The following HOOK3 variants were observed in gnomAD, a reference collection of about 807,000 sequenced individuals.
HOOK3 encodes the protein protein Hook homolog 3.
HOOK3 carries 24 observed loss-of-function variants against 116.3 expected under a neutral mutation model. That is an observed-to-expected ratio of 0.21 (90% CI 0.15 to 0.29). The LOEUF (loss-of-function observed/expected upper bound fraction) is 0.29, where lower values mean the gene tolerates loss of function less well. HOOK3 is among the 10% of genes least tolerant of loss of function. The pLI, the probability that HOOK3 is intolerant of heterozygous loss-of-function variation, is 1.00. For missense variants in HOOK3, 632 were observed against 830.2 expected, an observed-to-expected ratio of 0.76 and a Z score of 2.93; for synonymous variants, 275 against 283.0, an observed-to-expected ratio of 0.97 and a Z score of 0.28.
chr8:42,912,967 C>A (rs1325558088), intron 2 of HOOK3, among the ~76,000 whole-genome samples: 1 of 152,156 alleles, frequency 6.6e-6, no homozygotes, highest in African/African-American at 2.4e-5. Context: ...ATAGTTTTGC[C>A]TTTTCTGGAA....
At chr8:42,948,339 C>T (rs920315452) in intron 5 of HOOK3, among the ~76,000 whole-genome samples, 19 of 152,258 alleles carry the variant, frequency 1.2e-4, no homozygotes, top group Admixed American at 2.6e-4. Context: ...GACACACACC[C>T]GGTAATAGCA....
At chr8:42,940,038 G>A (rs370339246) in intron 4 of HOOK3, among the ~76,000 whole-genome samples, 1 of 148,580 alleles carries the variant, frequency 6.7e-6, no homozygotes, top group Admixed American at 6.7e-5. Flanking sequence ...ATCCCAGACG[G>A]TGGGCGGCCA....
At position 43,022,688 on chromosome 8, in the gene HOOK3, A is replaced by G. The variant is rs538996187; in HGVS notation, c.*4190A>G. On this transcript the variant is annotated 3_prime_UTR_variant, in exon 22 of 22. Coordinates refer to ENST00000307602, the MANE Select transcript of HOOK3 (RefSeq NM_032410.4). ...GAAAAACTCCGTCATATCTTTTACC[A>G]TTTGTCTATTTGATAGTAATGCAGA... The G allele has an allele frequency of 2.3e-4, 41 of 181,186 alleles. No individual in the cohort carries two copies. The highest frequency in any genetic ancestry group is 3.7e-4 in the Non-Finnish European group (31 of 84,928). The allele number at this position is 181,186 out of a possible 1,614,324, so 11.2% of individuals were successfully genotyped here. A position where few individuals can be genotyped will look rare whatever the true frequency, so the allele number is the denominator to read the frequency against.
At chr8:42,954,040 A>G (rs911566403) in intron 6 of HOOK3, among the ~76,000 whole-genome samples, 4 of 152,234 alleles carry the variant, frequency 2.6e-5, no homozygotes, top group African/African-American at 9.6e-5. Context: ...AAATTATGGT[A>G]TACTAGTATA....
chr8:42,989,009 A>G (rs1809103327), intron 15 of HOOK3, among the ~76,000 whole-genome samples: 2 of 152,204 alleles, frequency 1.3e-5, no homozygotes, highest in African/African-American at 4.8e-5. Flanking sequence ...CTGCCCATGT[A>G]TGTCACCTGT....
At chr8:42,990,085 C>T (rs927739769) in intron 15 of HOOK3, among the ~76,000 whole-genome samples, 2 of 151,794 alleles carry the variant, frequency 1.3e-5, no homozygotes, top group African/African-American at 4.8e-5. Flanking sequence ...TAGACTCAAC[C>T]TCCCAGGCTC....
chr8:42,962,445 C>T (rs1173285396), intron 8 of HOOK3, among the ~76,000 whole-genome samples: 1 of 144,126 alleles, frequency 6.9e-6, no homozygotes, highest in Non-Finnish European at 1.5e-5. Context: ...CTTGCTTTGT[C>T]GTCCAGGATG....
chr8:42,897,445 G>A (rs952502968), intron 1 of HOOK3, among the ~76,000 whole-genome samples: 1 of 152,072 alleles, frequency 6.6e-6, no homozygotes, highest in African/African-American at 2.4e-5. Context: ...GCGGCTGCTC[G>A]CAGCTGGGGC....
chr8:42,954,631 A>G (rs748712526), intron 6 of HOOK3, among the ~76,000 whole-genome samples: 2 of 152,246 alleles, frequency 1.3e-5, no homozygotes, highest in Non-Finnish European at 2.9e-5. Context: ...TAATATGTCT[A>G]TTATTTGCAT....
intron 5 of HOOK3, among the ~76,000 whole-genome samples, chr8:42,949,894 C>T (rs536734378): frequency 2.1e-5 from 3 of 146,044 alleles, no homozygotes; most frequent in East Asian, 2.0e-4. Context: ...TCCAGCCTGG[C>T]GACAGAGTGA....
intron 4 of HOOK3, among the ~76,000 whole-genome samples, chr8:42,934,265 A>T (rs767881906): frequency 6.6e-6 from 1 of 152,060 alleles, no homozygotes; most frequent in Non-Finnish European, 1.5e-5. Flanking sequence ...CATTTCTGCT[A>T]TCACATTTTT....
At chr8:42,967,922 T>A (rs764201995) in intron 10 of HOOK3, 91 bp from the exon 11 acceptor site, 4 of 725,616 alleles carry the variant, frequency 5.5e-6, no homozygotes, top group Non-Finnish European at 9.7e-6. Flanking sequence ...TTTCATTAGA[T>A]GTGTGTTTCC....
chr8:42,933,975 G>T (rs941386687), intron 4 of HOOK3, among the ~76,000 whole-genome samples: 1 of 151,854 alleles, frequency 6.6e-6, no homozygotes, highest in Admixed American at 6.6e-5. Flanking sequence ...GTTTTATTGC[G>T]CTTGGCACTT....
rs916172429 is a variant in HOOK3 at position 43,028,934 on chromosome 8, G to C, written c.*10436G>C. On this transcript the variant is annotated 3_prime_UTR_variant, in exon 22 of 22. Coordinates refer to ENST00000307602, the MANE Select transcript of HOOK3 (RefSeq NM_032410.4). ...GCAAGTTATGATGATTCTTATTGTAGTTCAAGTACAGATGAGTAAGTGGTG... is the reference window on the plus strand; with the variant it reads ...GCAAGTTATGATGATTCTTATTGTACTTCAAGTACAGATGAGTAAGTGGTG... The C allele has an allele frequency of 4.9e-6, 1 of 202,416 alleles. No individual in the cohort carries two copies. Among genetic ancestry groups the C allele is most frequent in the Non-Finnish European group, 1.0e-5 (1 of 98,492 alleles). The allele number at this position is 202,416 out of a possible 1,614,324, so 12.5% of individuals were successfully genotyped here. A position where few individuals can be genotyped will look rare whatever the true frequency, so the allele number is the denominator to read the frequency against.
chr8:42,899,930 A>G (rs1012415752), intron 1 of HOOK3, among the ~76,000 whole-genome samples: 2 of 152,248 alleles, frequency 1.3e-5, no homozygotes, highest in Non-Finnish European at 2.9e-5. Context: ...TTAGTTTGAG[A>G]TTGGAGAGAT....
intron 8 of HOOK3, among the ~76,000 whole-genome samples, chr8:42,963,977 G>T (rs889818470): frequency 1.3e-5 from 2 of 152,242 alleles, no homozygotes; most frequent in African/African-American, 4.8e-5. Context: ...GGAGGCCGAG[G>T]CAGGCGGATC....
intron 13 of HOOK3, among the ~76,000 whole-genome samples, chr8:42,976,040 A>ATGTGTGTGTGTG (rs10675533): frequency 1.2e-4 from 18 of 148,842 alleles, no homozygotes; most frequent in Middle Eastern, 7.2e-3. Flanking sequence ...GTATATATAT[A>ATGTGTGTGTGTG]TGTGTGTGTG....
At chr8:42,946,638 A>AT (rs1398233909) in intron 5 of HOOK3, among the ~76,000 whole-genome samples, 2 of 151,992 alleles carry the variant, frequency 1.3e-5, no homozygotes, top group Non-Finnish European at 2.9e-5. Flanking sequence ...GGTAAGTTTA[A>AT]TAATAGCATT....
At chr8:43,010,566 T>C (rs1586633684) in intron 19 of HOOK3, among the ~76,000 whole-genome samples, 161 bp downstream of exon 19, 1 of 152,174 alleles carries the variant, frequency 6.6e-6, no homozygotes, top group Admixed American at 6.6e-5. Context: ...CAACAAGCAG[T>C]GCTCAAAATA....
Sources: allele counts gnomAD v4.1 joint callset (sites outside exome capture counted in the v4.1 genomes callset), GRCh38; gene constraint gnomAD v4.1.1; transcripts MANE v1.5; gene names NCBI Gene and HGNC (gene_info 2026-07-23, HGNC 2026-07-21).